EXT2: variants seen among roughly 807,000 people sequenced by gnomAD.
The protein encoded by EXT2 is exostosin-2.
Under a neutral mutation model 81.6 loss-of-function variants are expected in EXT2, and 53 were observed. The observed-to-expected ratio is 0.65, with a 90% CI of 0.52 to 0.82. The LOEUF is 0.82. Among genes scored for constraint, EXT2 ranks in the 40% least tolerant of loss-of-function variants. The pLI is 0.00. For synonymous variants in EXT2, 320 were observed against 340.0 expected, an observed-to-expected ratio of 0.94 and a Z score of 0.65; for missense variants, 774 against 910.2, an observed-to-expected ratio of 0.85 and a Z score of 1.93.
chr11:44,187,165 G>A (rs972467027), intron 8 of EXT2, among the ~76,000 whole-genome samples: 2 of 150,886 alleles, frequency 1.3e-5, no homozygotes, highest in African/African-American at 4.9e-5. Flanking sequence ...AGCCTCCTGA[G>A]TAGCTGGGAT....
chr11:44,164,940 G>A (rs1017522164), intron 7 of EXT2, among the ~76,000 whole-genome samples: 2 of 149,782 alleles, frequency 1.3e-5, no homozygotes, highest in South Asian at 2.1e-4. Flanking sequence ...GTGCAGTGGC[G>A]GGATCTCGGC....
chr11:44,188,166 C>A (rs1459386089), intron 8 of EXT2, among the ~76,000 whole-genome samples: 4 of 152,224 alleles, frequency 2.6e-5, no homozygotes, highest in Middle Eastern at 3.4e-3. Context: ...TTTGCTAATC[C>A]CCAAATCAAA....
intron 7 of EXT2, among the ~76,000 whole-genome samples, chr11:44,150,569 G>T (rs1954779240): frequency 1.3e-5 from 2 of 152,174 alleles, no homozygotes; most frequent in Admixed American, 6.5e-5. Flanking sequence ...CTTGCACTGG[G>T]CAGTGGCTAC....
rs147284507 is a variant in EXT2, at chr11:44,145,278, C to G, written c.1173+15140C>G. 7.2e-5 allele frequency among the ~76,000 whole-genome samples: 11 copies of G among 152,254 alleles called. No individual in the cohort carries two copies. In the East Asian group the frequency reaches 1.7e-3, roughly 24 times the overall value. On this transcript the variant is annotated intron_variant, in intron 7 of 13. Transcript: ENST00000533608. Reference sequence around the variant, plus strand: ...CATTGAGTAGAAAATGCCTCTTTTACTCATGATGCCTTTAGCATAGAAAAG... The same window carrying G: ...CATTGAGTAGAAAATGCCTCTTTTAGTCATGATGCCTTTAGCATAGAAAAG...
Position 44,243,412 on chromosome 11 carries a change from A to C in EXT2, c.2019-737A>C, listed in dbSNP as rs116693208. On this transcript the variant is annotated intron_variant, in intron 13 of 13. Coordinates refer to ENST00000533608, the MANE Select transcript of EXT2 (RefSeq NM_207122.2). ...CCCTCCTCTGGCGGTGCTGTGCTGC[A>C]CTGGCACTGAAGTAGTTGTTGCTAA... Among the ~76,000 whole-genome samples, 966 of 152,244 alleles carry C rather than the reference A, an allele frequency of 6.3e-3. 20 individuals carry two copies. The highest frequency in any genetic ancestry group is 0.022 in the African/African-American group (916 of 41,544).
chr11:44,238,726 T>C (rs1254733674), intron 13 of EXT2, among the ~76,000 whole-genome samples: 1 of 152,204 alleles, frequency 6.6e-6, no homozygotes, highest in Non-Finnish European at 1.5e-5. Context: ...CCTTCAAAAA[T>C]CACTAGGATC....
At position 44,232,507 on chromosome 11, in the gene EXT2, G is replaced by T. The variant is rs372517964; in HGVS notation, c.1806+11G>T. ...GCTTTTTATCACAAGGTAAGGGGGC[G>T]CAGTCCTGGCAAGGTGACAAAACTG... On this transcript the variant is annotated intron_variant, in intron 11 of 13. Transcript: ENST00000533608. 21 of 1,613,422 alleles carry T rather than the reference G, an allele frequency of 1.3e-5. No homozygotes were observed. The highest frequency in any genetic ancestry group is 1.8e-5 in the Non-Finnish European group (21 of 1,179,732).
At chr11:44,103,488 A>G (rs1313823323) in intron 1 of EXT2, among the ~76,000 whole-genome samples, 4 of 152,252 alleles carry the variant, frequency 2.6e-5, no homozygotes, top group African/African-American at 9.6e-5. Flanking sequence ...GCATACTTCA[A>G]GAACCAGTGT....
At chr11:44,117,591 TG>T (rs1452643468) in intron 4 of EXT2, among the ~76,000 whole-genome samples, 1 of 152,238 alleles carries the variant, frequency 6.6e-6, no homozygotes, top group African/African-American at 2.4e-5. Context: ...TGAATGGTCT[TG>T]GTACCCTTGT....
rs958938277 is a variant in EXT2, at chr11:44,249,905, C to G, written c.*5618C>G. On this transcript the variant is annotated 3_prime_UTR_variant, in exon 14 of 14. Coordinates refer to ENST00000533608, the MANE Select transcript of EXT2 (RefSeq NM_207122.2). The stretch of plus-strand genomic sequence containing the variant: ...CTAACACGGTGAAACCCCATCTCTA[C>G]TAAAAATACAAAGAATTAGCCGGGC... 1.1e-4 allele frequency among the ~76,000 whole-genome samples: 17 copies of G among 152,290 alleles called. No homozygotes were observed. Among genetic ancestry groups the G allele is most frequent in the Middle Eastern group, 6.8e-3 (2 of 294 alleles).
At chr11:44,157,367 C>A (rs2135097050) in intron 7 of EXT2, among the ~76,000 whole-genome samples, 1 of 152,322 alleles carries the variant, frequency 6.6e-6, no homozygotes, top group South Asian at 2.1e-4. Context: ...CATCTGGGAG[C>A]CAGGGCTTGG....
intron 7 of EXT2, among the ~76,000 whole-genome samples, chr11:44,169,852 A>G (rs1203760379): frequency 1.3e-5 from 2 of 152,040 alleles, no homozygotes; most frequent in East Asian, 3.8e-4. Flanking sequence ...AGGATGCTCA[A>G]CCTGTATATG....
Position 44,108,019 on chromosome 11 carries a change from A to G in EXT2, c.307A>G (p.Lys103Glu), listed in dbSNP as rs907886635. ...TCGCTGTGGCTTCAACCCAAAGAAC[A>G]AAATCAAGGTGTATATCTATGCTCT... ...VYRCGFNPKN[K>E]IKVYIYALKK... is the part of the protein sequence containing the mutation. Residue 103 changes from lysine to glutamate, a missense_variant, in exon 2 of 14, where the codon AAA (lysine) becomes GAA (glutamate). By Grantham distance (56) the Lys-to-Glu change is moderately conservative (BLOSUM62 1). Transcript: ENST00000533608. 1.9e-6 allele frequency: 3 copies of G among 1,614,190 alleles called. No individual in the cohort carries two copies. The highest frequency in any genetic ancestry group is 2.5e-6 in the Non-Finnish European group (3 of 1,180,032).
At position 44,144,349 on chromosome 11, in the gene EXT2, A is replaced by G. The variant is rs1272949360; in HGVS notation, c.1173+14211A>G. On this transcript the variant is annotated intron_variant, in intron 7 of 13. Coordinates refer to ENST00000533608, the MANE Select transcript of EXT2 (RefSeq NM_207122.2). Reference sequence around the variant, plus strand: ...ACAGTGGGATTCACAGGCATGGGTGACTTAGAAAACCGGGCCCAGCAGAAA... The same window carrying G: ...ACAGTGGGATTCACAGGCATGGGTGGCTTAGAAAACCGGGCCCAGCAGAAA... 5 of 1,594,266 alleles carry G rather than the reference A, an allele frequency of 3.1e-6. No homozygotes were observed. The African/African-American group carries it at 6.7e-5, about 21-fold the overall frequency.
intron 8 of EXT2, among the ~76,000 whole-genome samples, chr11:44,172,842 G>C (rs1269685251): frequency 1.3e-5 from 2 of 152,080 alleles, no homozygotes; most frequent in Admixed American, 1.3e-4. Flanking sequence ...CCAAAGTGCT[G>C]GGATTACAGG....
intron 4 of EXT2, among the ~76,000 whole-genome samples, chr11:44,123,246 A>G (rs1281282565): frequency 6.6e-6 from 1 of 152,244 alleles, no homozygotes; most frequent in African/African-American, 2.4e-5. Flanking sequence ...ACTTCCAAAC[A>G]AGTCTGAGTA....
intron 1 of EXT2, among the ~76,000 whole-genome samples, chr11:44,106,443 AT>A (rs1229517708): frequency 2.0e-5 from 3 of 151,812 alleles, no homozygotes; most frequent in Admixed American, 1.3e-4. Flanking sequence ...TGAAAGATTA[AT>A]TTTTTTTCTT....
chr11:44,124,264 G>A (rs963131538), intron 4 of EXT2, among the ~76,000 whole-genome samples: 22 of 152,122 alleles, frequency 1.4e-4, no homozygotes, highest in Non-Finnish European at 2.9e-5. Flanking sequence ...CAGGGATGCT[G>A]TTAGACAGCC....
At chr11:44,143,519 G>A (rs985088349) in intron 7 of EXT2, among the ~76,000 whole-genome samples, 3 of 152,174 alleles carry the variant, frequency 2.0e-5, no homozygotes, top group Non-Finnish European at 4.4e-5. Flanking sequence ...ATGAGAAGGG[G>A]CAAGGAGAAA....
Sources: allele counts gnomAD v4.1 joint callset (sites outside exome capture counted in the v4.1 genomes callset), GRCh38; gene constraint gnomAD v4.1.1; transcripts MANE v1.5; gene names NCBI Gene and HGNC (gene_info 2026-07-23, HGNC 2026-07-21).